The following AFG2A variants were observed in gnomAD, a reference collection of about 807,000 sequenced individuals.
AFG2A encodes AAA ATPase AFG2A.
the AFG2A span, among the ~76,000 whole-genome samples, chr4:123,251,606 T>C: frequency 6.6e-6 from 1 of 152,244 alleles, no homozygotes; most frequent in African/African-American, 2.4e-5. Context: ...TGAAAGATGC[T>C]TCATAGATCC....
the AFG2A span, among the ~76,000 whole-genome samples, chr4:123,020,320 C>T: frequency 6.6e-6 from 1 of 151,436 alleles, no homozygotes; most frequent in Non-Finnish European, 1.5e-5. Flanking sequence ...GCTTGTATTC[C>T]TATCACTTTA....
chr4:123,089,354 T>C, the AFG2A span, among the ~76,000 whole-genome samples: 1 of 152,218 alleles, frequency 6.6e-6, no homozygotes, highest in Non-Finnish European at 1.5e-5. Flanking sequence ...GTGTATCTCC[T>C]TCTACTTTAC....
chr4:123,002,791 G>A, the AFG2A span, among the ~76,000 whole-genome samples: 1 of 152,148 alleles, frequency 6.6e-6, no homozygotes, highest in Non-Finnish European at 1.5e-5. Flanking sequence ...TCTTGGAGTT[G>A]CTCTTCTCGA....
the AFG2A span, among the ~76,000 whole-genome samples, chr4:123,140,510 T>TA: frequency 0.17 from 25,616 of 150,550 alleles, 2,510 homozygotes; most frequent in East Asian, 0.44. Flanking sequence ...TTTTTTTTTT[T>TA]AAAAAAGCGA....
At chr4:122,935,744 A>G in the AFG2A span, 3 of 1,610,412 alleles carry the variant, frequency 1.9e-6, no homozygotes, top group South Asian at 2.2e-5. Context: ...GTGTTACTTT[A>G]TGGTCCTCCA....
the AFG2A span, among the ~76,000 whole-genome samples, chr4:123,302,522 T>C: frequency 3.3e-5 from 5 of 152,240 alleles, no homozygotes; most frequent in Middle Eastern, 3.4e-3. Flanking sequence ...GTGTATTTTT[T>C]TTTTCTAAGG....
At chr4:122,940,275 A>G in the AFG2A span, among the ~76,000 whole-genome samples, 1 of 152,036 alleles carries the variant, frequency 6.6e-6, no homozygotes, top group Admixed American at 6.5e-5. Context: ...CTATTTCTCC[A>G]CATCCTCTCT....
the AFG2A span, among the ~76,000 whole-genome samples, chr4:122,980,788 G>A: frequency 3.3e-5 from 5 of 151,896 alleles, no homozygotes; most frequent in East Asian, 1.9e-4. Flanking sequence ...CCATTTGTAC[G>A]TCTTCTTTTA....
the AFG2A span, among the ~76,000 whole-genome samples, chr4:123,004,904 A>AGTCG: frequency 6.6e-6 from 1 of 152,176 alleles, no homozygotes; most frequent in Non-Finnish European, 1.5e-5. Flanking sequence ...ATCTAGGACT[A>AGTCG]TTCAGATTAT....
chr4:123,229,469 C>T, the AFG2A span, among the ~76,000 whole-genome samples: 4,835 of 151,962 alleles, frequency 0.032, 269 homozygotes, highest in African/African-American at 0.11. Flanking sequence ...TCATGTTAGC[C>T]TTAAAAAATC....
chr4:123,247,520 A>AG, the AFG2A span, among the ~76,000 whole-genome samples: 1 of 152,092 alleles, frequency 6.6e-6, no homozygotes, highest in South Asian at 2.1e-4. Flanking sequence ...CCTGGGCTCA[A>AG]GTGATCCTCC....
the AFG2A span, among the ~76,000 whole-genome samples, chr4:123,063,732 C>A: frequency 6.7e-6 from 1 of 150,134 alleles, no homozygotes; most frequent in Non-Finnish European, 1.5e-5. Flanking sequence ...GGTGACAGAG[C>A]GAGACTGTCT....
chr4:123,062,940 T>G, the AFG2A span, among the ~76,000 whole-genome samples: 1 of 152,118 alleles, frequency 6.6e-6, no homozygotes, highest in Non-Finnish European at 1.5e-5. Context: ...GGAAATAGAG[T>G]GCTGATGGGT....
chr4:123,062,960 A>G, the AFG2A span, among the ~76,000 whole-genome samples: 1 of 152,212 alleles, frequency 6.6e-6, no homozygotes, highest in Non-Finnish European at 1.5e-5. Context: ...TCCCAATTAA[A>G]GAGTTTTGGT....
chr4:123,126,285 CA>C, the AFG2A span, among the ~76,000 whole-genome samples: 1 of 152,138 alleles, frequency 6.6e-6, no homozygotes, highest in Admixed American at 6.5e-5. Context: ...CCTGTCTTAA[CA>C]GCCTTTTCCA....
the AFG2A span, among the ~76,000 whole-genome samples, chr4:123,007,703 C>T: frequency 1.4e-5 from 2 of 145,798 alleles, no homozygotes; most frequent in Non-Finnish European, 3.0e-5. Flanking sequence ...AGGTTTTCTC[C>T]CTGGGAACTT....
the AFG2A span, among the ~76,000 whole-genome samples, chr4:122,949,111 G>A: frequency 7.9e-5 from 12 of 152,312 alleles, no homozygotes; most frequent in African/African-American, 1.7e-4. Context: ...GGGTTAGATC[G>A]TGAGAGTCAT....
the AFG2A span, among the ~76,000 whole-genome samples, chr4:123,074,022 A>G: frequency 6.6e-6 from 1 of 152,220 alleles, no homozygotes; most frequent in East Asian, 1.9e-4. Flanking sequence ...ATTGCCTTCA[A>G]CATTTCAGAG....
the AFG2A span, among the ~76,000 whole-genome samples, chr4:123,075,915 C>G: frequency 6.6e-6 from 1 of 151,138 alleles, no homozygotes; most frequent in African/African-American, 2.4e-5. Flanking sequence ...CGAGATCATG[C>G]CATTGCACTC....
Sources: gnomAD v4.1 joint callset for allele counts (sites outside exome capture counted in the v4.1 genomes callset) on GRCh38, gnomAD v4.1.1 for gene constraint, MANE v1.5 for transcripts, NCBI Gene and HGNC (gene_info 2026-07-23, HGNC 2026-07-21) for gene names.